Variants in KPNB1 observed in about 807,000 individuals in gnomAD.
The protein encoded by KPNB1 is importin subunit beta-1.
In KPNB1, 7 loss-of-function variants were observed where a neutral mutation model predicts 113.0. The observed-to-expected ratio is 0.06, with a 90% CI of 0.04 to 0.12. The LOEUF (loss-of-function observed/expected upper bound fraction) is 0.12, where lower values mean the gene tolerates loss of function less well. Among genes scored for constraint, KPNB1 ranks in the 10% least tolerant of loss-of-function variants. KPNB1 has a pLI of 1.00. For missense variants in KPNB1, 400 were observed against 1,054.8 expected (o/e 0.38, Z 8.60); for synonymous variants, 363 against 378.6 (o/e 0.96, Z 0.48).
intron 8 of KPNB1, among the ~76,000 whole-genome samples, chr17:47,664,750 T>G (rs2030214332): frequency 6.6e-6 from 1 of 152,204 alleles, no homozygotes. Context: ...AGGTTTTTTT[T>G]GGCATCTTTA....
chr17:47,677,335 G>C (rs1228358228), intron 17 of KPNB1, among the ~76,000 whole-genome samples: 2 of 151,970 alleles, frequency 1.3e-5, no homozygotes, highest in East Asian at 3.9e-4. Flanking sequence ...AGCCGGGCGT[G>C]ATGGCAGGCG....
rs868169965 is a variant in KPNB1 at position 47,683,119 on chromosome 17, A to C, written c.*715A>C. The stretch of plus-strand genomic sequence containing the variant: ...AAAAAAAAAAAAAAAAAAAAAAAAA[A>C]CACACACACAGAGGAAAGACGCTCT... On this transcript the variant is annotated 3_prime_UTR_variant, in exon 22 of 22. Transcript: ENST00000290158. 4.2e-4 allele frequency: 56 copies of C among 133,718 alleles called. No homozygotes were observed. Among genetic ancestry groups the C allele is most frequent in the South Asian group, 2.9e-3 (12 of 4,200 alleles). 8.3% of individuals were successfully genotyped at this position (133,718 alleles called of 1,614,324 possible).
intron 21 of KPNB1, among the ~76,000 whole-genome samples, chr17:47,681,055 TTGTGTGTGTGTG>T (rs10602429): frequency 7.5e-5 from 11 of 147,126 alleles, no homozygotes; most frequent in African/African-American, 2.5e-4. Context: ...AAATGTTTTT[TTGTGTGTGTGTG>T]TGTGTGTGTG....
chr17:47,656,020 G>A (rs1915707115), intron 3 of KPNB1, among the ~76,000 whole-genome samples: 2 of 151,748 alleles, frequency 1.3e-5, no homozygotes, highest in South Asian at 2.1e-4. Flanking sequence ...TTGGTAGGCC[G>A]AGGTGGGTGG....
Position 47,657,070 on chromosome 17 carries a change from T to A in KPNB1, c.483+10T>A. On this transcript the variant is annotated intron_variant, in intron 4 of 21. Coordinates refer to ENST00000290158, the MANE Select transcript of KPNB1 (RefSeq NM_002265.6). ...TATTTGCCAAGATATAGTAAGTGCT[T>A]GCCTAATGTATCTGGTTTATATACC... is the stretch of plus-strand genomic sequence containing the variant. The A allele has an allele frequency of 6.2e-7, 1 of 1,610,220 alleles. No homozygotes were observed. The highest frequency in any genetic ancestry group is 8.5e-7 in the Non-Finnish European group (1 of 1,177,294).
Position 47,678,356 on chromosome 17 carries a change from T to A in KPNB1, c.2296T>A (p.Leu766Met). Residue 766 changes from leucine to methionine, a missense_variant, in exon 19 of 22, where the codon TTG becomes ATG. Around this residue, in one of 2 missense-constraint regions of KPNB1, gnomAD observed 115 missense variants for 427.9 expected, o/e 0.27. Transcript: ENST00000290158. ...DYLNELRESCLEAYTGIVQGL... is the reference protein window; with the variant it reads ...DYLNELRESCMEAYTGIVQGL... ...TCTGAATGAGCTAAGGGAAAGCTGCTTGGAAGCCTATACTGGAATCGTCCA... is the reference window on the plus strand; with the variant it reads ...TCTGAATGAGCTAAGGGAAAGCTGCATGGAAGCCTATACTGGAATCGTCCA... 6.2e-7 allele frequency: 1 copy of A among 1,614,208 alleles called. No individual in the cohort carries two copies. Among genetic ancestry groups the A allele is most frequent in the Non-Finnish European group, 8.5e-7 (1 of 1,180,026 alleles).
In KPNB1 at chr17:47,664,243, A is replaced by G; in HGVS notation, c.871A>G (p.Met291Val). Reference sequence around the variant, plus strand: ...CTGGTCCAATGTCTGTGATGAGGAAATGGATTTGGCCATTGAAGCTTCAGA... The same window carrying G: ...CTGGTCCAATGTCTGTGATGAGGAAGTGGATTTGGCCATTGAAGCTTCAGA... Reference protein sequence around the residue: ...EFWSNVCDEEMDLAIEASEAA... With the variant: ...EFWSNVCDEEVDLAIEASEAA... The change falls in exon 8 of 22, where the codon ATG becomes GTG. Residue 291 changes from methionine to valine, a missense_variant. Physicochemically the swap from Met to Val is conservative, Grantham distance 21 (BLOSUM62 1). Transcript: ENST00000290158. The G allele has an allele frequency of 1.9e-6, 3 of 1,612,764 alleles. No homozygotes were observed. The highest frequency in any genetic ancestry group is 2.5e-6 in the Non-Finnish European group (3 of 1,178,846).
At chr17:47,651,369 T>C in intron 2 of KPNB1, 1 of 984,932 alleles carries the variant, frequency 1.0e-6, no homozygotes, top group Non-Finnish European at 1.2e-6. Context: ...TTGACATCTT[T>C]GAGAAAGGTA....
chr17:47,670,598 G>A (rs774512552), intron 11 of KPNB1, 104 bp from the exon 12 acceptor site: 7 of 1,240,628 alleles, frequency 5.6e-6, no homozygotes, highest in Non-Finnish European at 7.8e-6. Flanking sequence ...GGCAGAAAAA[G>A]TTGGAAGTTC....
At position 47,656,782 on chromosome 17, in the gene KPNB1, A is replaced by AAT. The variant is rs914863635; in HGVS notation, c.283-74_283-73dup. The AAT allele has an allele frequency of 2.9e-4, 388 of 1,357,506 alleles. 1 individual carries two copies. The African/African-American group carries it at 3.7e-3, about 13-fold the overall frequency. The allele number at this position is 1,357,506 out of a possible 1,614,324, so 84.1% of individuals were successfully genotyped here. ...AGAAAAAAAAGAATTCAGAGACACT[A>AAT]ATATAAGTATGGTGGTGGGCAAAAT... is the stretch of plus-strand genomic sequence containing the variant. On this transcript the variant is annotated intron_variant, in intron 3 of 21. Transcript: ENST00000290158.
chr17:47,654,873 GTT>G (rs1003922032), intron 3 of KPNB1, among the ~76,000 whole-genome samples: 5 of 152,238 alleles, frequency 3.3e-5, no homozygotes, highest in African/African-American at 1.2e-4. Context: ...AATTCACCTT[GTT>G]TTTCCCCCTC....
chr17:47,661,301 C>A (rs2030087023), intron 6 of KPNB1, 123 bp downstream of exon 6: 3 of 772,370 alleles, frequency 3.9e-6, no homozygotes, highest in Admixed American at 4.0e-5. Flanking sequence ...AATATTGTTA[C>A]TAATAATTAA....
chr17:47,674,923 C>T (rs914447516), intron 15 of KPNB1, 141 bp downstream of exon 15: 29 of 778,810 alleles, frequency 3.7e-5, no homozygotes, highest in Non-Finnish European at 5.5e-5. Context: ...CTCACATGAT[C>T]CTTCCACTTC....
chr17:47,657,802 C>A (rs1019416070), intron 4 of KPNB1, among the ~76,000 whole-genome samples: 4 of 152,188 alleles, frequency 2.6e-5, no homozygotes, highest in South Asian at 4.1e-4. Flanking sequence ...TTGTTCAGTT[C>A]TGGATTGCCA....
chr17:47,651,227 T>G, intron 2 of KPNB1: 1 of 985,268 alleles, frequency 1.0e-6, no homozygotes, highest in Non-Finnish European at 1.2e-6. Flanking sequence ...TGAAGCTAAG[T>G]CCGCTAGAGA....
intron 10 of KPNB1, among the ~76,000 whole-genome samples, chr17:47,669,001 A>G (rs1313333159): frequency 1.6e-5 from 2 of 127,336 alleles, no homozygotes; most frequent in Non-Finnish European, 3.4e-5. Flanking sequence ...AGTTGAGTTT[A>G]GTGCTTAAAG....
At position 47,650,004 on chromosome 17, in the gene KPNB1, C is replaced by T. The variant is rs1415032671; in HGVS notation, c.-241C>T. ...CGAGCACCAGCGCGCTCTGAGCTGC[C>T]CCCAGGGTCCCTCCCCCGCCGCCAG... is the stretch of plus-strand genomic sequence containing the variant. On this transcript the variant is annotated 5_prime_UTR_variant, in exon 1 of 22. Coordinates refer to ENST00000290158, the MANE Select transcript of KPNB1 (RefSeq NM_002265.6). 2.2e-6 allele frequency: 3 copies of T among 1,366,172 alleles called. No homozygotes were observed. The South Asian group carries it at 5.4e-5, about 25-fold the overall frequency. 84.6% of individuals were successfully genotyped at this position (1,366,172 alleles called of 1,614,324 possible). A position where few individuals can be genotyped will look rare whatever the true frequency, so the allele number is the denominator to read the frequency against.
chr17:47,650,448 C>G lies in KPNB1; in HGVS notation c.99+4C>G. 1.3e-6 allele frequency: 2 copies of G among 1,588,660 alleles called. No homozygotes were observed. The highest frequency in any genetic ancestry group is 1.7e-6 in the Non-Finnish European group (2 of 1,167,900). On this transcript the variant is annotated splice_donor_region_variant and intron_variant, in intron 2 of 21. Coordinates refer to ENST00000290158, the MANE Select transcript of KPNB1 (RefSeq NM_002265.6). ...GCGTGCGGCCGTGGAGAACCTGGTG[C>G]GTGCTACCCCGCCGCGCCCATCCCG... is the stretch of plus-strand genomic sequence containing the variant.
chr17:47,680,001 C>T lies in KPNB1; in HGVS notation c.2354-19C>T, dbSNP rs548753483. ...CATGAGCCACCGCACCCGACCAATACCTTCTCTCTCTTTTATAGCGGATGT... is the reference window on the plus strand; with the variant it reads ...CATGAGCCACCGCACCCGACCAATATCTTCTCTCTCTTTTATAGCGGATGT... On this transcript the variant is annotated intron_variant, in intron 19 of 21. Transcript: ENST00000290158. 1.3e-6 allele frequency: 2 copies of T among 1,565,902 alleles called. No homozygotes were observed. Among genetic ancestry groups the T allele is most frequent in the Admixed American group, 1.7e-5 (1 of 59,912 alleles).
Sources: allele counts gnomAD v4.1 joint callset (sites outside exome capture counted in the v4.1 genomes callset), GRCh38; gene constraint gnomAD v4.1.1; regional missense constraint gnomAD v4.1.1; transcripts MANE v1.5; gene names NCBI Gene and HGNC (gene_info 2026-07-23, HGNC 2026-07-21).